The following ARHGAP20 variants were observed in gnomAD, a reference collection of about 807,000 sequenced individuals.
ARHGAP20 encodes rho GTPase-activating protein 20.
In ARHGAP20, 34 loss-of-function variants were observed where a neutral mutation model predicts 73.7. The ratio of observed to expected loss-of-function variants is 0.46; its 90% CI spans 0.35 to 0.61. The LOEUF is 0.61. Among genes scored for constraint, ARHGAP20 ranks in the 20% least tolerant of loss-of-function variants. The pLI, the probability that ARHGAP20 is intolerant of heterozygous loss-of-function variation, is 0.00. For missense variants in ARHGAP20, 1,314 were observed against 1,420.9 expected, an observed-to-expected ratio of 0.92 and a Z score of 1.21; for synonymous variants, 523 against 518.2, an observed-to-expected ratio of 1.01 and a Z score of -0.13.
At chr11:110,627,658 C>A (rs1346036494) in intron 3 of ARHGAP20, among the ~76,000 whole-genome samples, 1 of 152,088 alleles carries the variant, frequency 6.6e-6, no homozygotes, top group Non-Finnish European at 1.5e-5. Context: ...CTAAACAGAA[C>A]TCATTACTAT....
At chr11:110,630,872 T>G in intron 2 of ARHGAP20, 80 bp from the exon 3 acceptor site, 1 of 1,445,566 alleles carries the variant, frequency 6.9e-7, no homozygotes, top group South Asian at 1.3e-5. Flanking sequence ...TGTAATTTTT[T>G]TTAATACAAT....
At chr11:110,626,675 C>G (rs967598703) in intron 3 of ARHGAP20, among the ~76,000 whole-genome samples, 1 of 151,996 alleles carries the variant, frequency 6.6e-6, no homozygotes, top group Non-Finnish European at 1.5e-5. Flanking sequence ...TATAAAGCAC[C>G]TGAAACCCGG....
intron 2 of ARHGAP20, among the ~76,000 whole-genome samples, chr11:110,638,754 A>T (rs1352688300): frequency 2.6e-5 from 4 of 152,056 alleles, no homozygotes; most frequent in African/African-American, 9.7e-5. Flanking sequence ...GCAAGGACAA[A>T]AAACCAAACA....
Position 110,606,588 on chromosome 11 carries a change from G to C in ARHGAP20, c.937C>G (p.Arg313Gly). ...MQCQFILKPS[R>G]LAAAQQLSDS... ...CTCAGTTGCTGGGCTGCAGCCAGGC[G>C]GCTGGGCTTCAGGATGAACTGGCAC... Residue 313 changes from arginine to glycine, a missense_variant, in exon 9 of 15, where the codon CGC becomes GGC. Arg to Gly is a moderately radical substitution (Grantham distance 125, BLOSUM62 -2). Coordinates refer to ENST00000683387, the MANE Select transcript of ARHGAP20 (RefSeq NM_001384657.1). The C allele has an allele frequency of 6.2e-7, 1 of 1,610,990 alleles. No individual in the cohort carries two copies. The highest frequency in any genetic ancestry group is 8.5e-7 in the Non-Finnish European group (1 of 1,178,912).
chr11:110,577,607 C>G lies in ARHGAP20; in HGVS notation c.*1763G>C, dbSNP rs1397067504. 2.1e-5 allele frequency: 21 copies of G among 986,026 alleles called. No individual in the cohort carries two copies. Among genetic ancestry groups the G allele is most frequent in the Non-Finnish European group, 2.4e-5 (20 of 830,250 alleles). 61.1% of individuals were successfully genotyped at this position (986,026 alleles called of 1,614,324 possible). ...TCCCTGCTGACTTTATATATTATAC[C>G]AAAAAAGATGCATATGGACACTTAG... On this transcript the variant is annotated 3_prime_UTR_variant, in exon 15 of 15. Coordinates refer to ENST00000683387, the MANE Select transcript of ARHGAP20 (RefSeq NM_001384657.1).
chr11:110,630,927 G>T, intron 2 of ARHGAP20, 135 bp from the exon 3 acceptor site: 1 of 777,852 alleles, frequency 1.3e-6, no homozygotes, highest in Non-Finnish European at 2.0e-6. Context: ...CCACACAGTA[G>T]TCTTTAATAT....
chr11:110,578,882 A>G lies in ARHGAP20; in HGVS notation c.*488T>C. ...TAGATTTAGGGAAAGATTTTATATGATGTTCTTCATTACTGGACACACTTA... is the reference window on the plus strand; with the variant it reads ...TAGATTTAGGGAAAGATTTTATATGGTGTTCTTCATTACTGGACACACTTA... On this transcript the variant is annotated 3_prime_UTR_variant, in exon 15 of 15. Coordinates refer to ENST00000683387, the MANE Select transcript of ARHGAP20 (RefSeq NM_001384657.1). 1 of 985,694 alleles carries G rather than the reference A, an allele frequency of 1.0e-6. No individual in the cohort carries two copies. The highest frequency in any genetic ancestry group is 1.2e-6 in the Non-Finnish European group (1 of 830,124). The allele number at this position is 985,694 out of a possible 1,614,324, so 61.1% of individuals were successfully genotyped here.
rs373702404 is a variant in ARHGAP20, at chr11:110,606,148, A to G, written c.964+413T>C. On this transcript the variant is annotated intron_variant, in intron 9 of 14. Transcript: ENST00000683387. Reference sequence around the variant, plus strand: ...TCTTAGTCTTCACATACTTATCAGAACTAGAATCCAGGTAGGGCATCACAA... The same window carrying G: ...TCTTAGTCTTCACATACTTATCAGAGCTAGAATCCAGGTAGGGCATCACAA... Among the ~76,000 whole-genome samples the G allele has an allele frequency of 5.5e-4, 84 of 152,330 alleles. 3 individuals carry two copies. The South Asian group carries it at 8.5e-3, about 15-fold the overall frequency.
chr11:110,710,439 A>T (rs1950625387), intron 1 of ARHGAP20, among the ~76,000 whole-genome samples: 1 of 152,060 alleles, frequency 6.6e-6, no homozygotes, highest in African/African-American at 2.4e-5. Flanking sequence ...CCTTAGTAAA[A>T]AAAAAAGAAA....
chr11:110,648,411 C>T (rs1206776737), intron 2 of ARHGAP20, among the ~76,000 whole-genome samples: 1 of 149,662 alleles, frequency 6.7e-6, no homozygotes, highest in Non-Finnish European at 1.5e-5. Flanking sequence ...GAGGATTAAA[C>T]AGTTGTTAGA....
chr11:110,619,444 A>AGTATATGTAGTGATAGT (rs1948572567), intron 4 of ARHGAP20, among the ~76,000 whole-genome samples: 1 of 151,232 alleles, frequency 6.6e-6, no homozygotes, highest in Non-Finnish European at 1.5e-5. Context: ...GCAGTGATAG[A>AGTATATGTAGTGATAGT]GTATATGTAG....
At chr11:110,634,762 TA>T (rs1340809176) in intron 2 of ARHGAP20, among the ~76,000 whole-genome samples, 3 of 152,142 alleles carry the variant, frequency 2.0e-5, no homozygotes, top group African/African-American at 7.2e-5. Flanking sequence ...GAATTAAGAT[TA>T]CTGATGAGAG....
intron 4 of ARHGAP20, among the ~76,000 whole-genome samples, chr11:110,622,919 C>A (rs1948659946): frequency 1.3e-5 from 2 of 152,086 alleles, no homozygotes; most frequent in African/African-American, 4.8e-5. Flanking sequence ...AAACTTCTTT[C>A]CACATTTTCC....
At chr11:110,705,631 G>C (rs1950539606) in intron 1 of ARHGAP20, among the ~76,000 whole-genome samples, 1 of 152,048 alleles carries the variant, frequency 6.6e-6, no homozygotes, top group Non-Finnish European at 1.5e-5. Flanking sequence ...CTTCTGCCAT[G>C]GTAAAATGCA....
chr11:110,637,550 T>C (rs1329269901), intron 2 of ARHGAP20, among the ~76,000 whole-genome samples: 1 of 152,132 alleles, frequency 6.6e-6, no homozygotes, highest in African/African-American at 2.4e-5. Context: ...TCAACATTTA[T>C]TGTGCATACA....
intron 12 of ARHGAP20, among the ~76,000 whole-genome samples, chr11:110,585,040 T>TATATGTGA (rs1247337352): frequency 2.1e-5 from 3 of 145,776 alleles, no homozygotes; most frequent in Non-Finnish European, 3.0e-5. Context: ...TATATGTGAA[T>TATATGTGA]ATATATGAAT....
chr11:110,634,992 T>C (rs1948935466), intron 2 of ARHGAP20, among the ~76,000 whole-genome samples: 1 of 152,058 alleles, frequency 6.6e-6, no homozygotes, highest in African/African-American at 2.4e-5. Context: ...AGAACAAGTA[T>C]TTCTCGGGGT....
chr11:110,638,767 G>T (rs777555640), intron 2 of ARHGAP20, among the ~76,000 whole-genome samples: 1 of 151,820 alleles, frequency 6.6e-6, no homozygotes, highest in Non-Finnish European at 1.5e-5. Context: ...ACCAAACACC[G>T]CATGTTCTCA....
At chr11:110,646,468 T>G (rs187106923) in intron 2 of ARHGAP20, among the ~76,000 whole-genome samples, 103 of 152,288 alleles carry the variant, frequency 6.8e-4, no homozygotes, top group African/African-American at 2.4e-3. Context: ...ACGATTTGAC[T>G]GAAGTATCTT....
Sources: gnomAD v4.1 joint callset for allele counts (sites outside exome capture counted in the v4.1 genomes callset) on GRCh38, gnomAD v4.1.1 for gene constraint, MANE v1.5 for transcripts, NCBI Gene and HGNC (gene_info 2026-07-23, HGNC 2026-07-21) for gene names.